The following ARIH1 variants were observed in gnomAD, a reference collection of about 807,000 sequenced individuals.
The protein encoded by ARIH1 is ariadne RBR E3 ubiquitin protein ligase 1.
In ARIH1, 8 loss-of-function variants were observed where a neutral mutation model predicts 85.0. The observed-to-expected ratio is 0.09, with a 90% CI of 0.06 to 0.17. ARIH1 has a LOEUF of 0.17. Among genes scored for constraint, ARIH1 ranks in the 10% least tolerant of loss-of-function variants. The pLI is 1.00. For synonymous variants in ARIH1, 238 were observed against 253.6 expected (o/e 0.94, Z 0.59); for missense variants, 311 against 718.1 (o/e 0.43, Z 6.48).
In ARIH1 at chr15:72,586,682, T is replaced by C. The variant is rs1265804994; in HGVS notation, c.*3390T>C. ...AAAATGTCAAAAATTGGTTGTTTCT[T>C]TGCAGGGAACTGTGAATGAGCCCAT... On this transcript the variant is annotated 3_prime_UTR_variant, in exon 14 of 14. Coordinates refer to ENST00000379887, the MANE Select transcript of ARIH1 (RefSeq NM_005744.5). 6.6e-6 allele frequency: 1 copy of C among 152,544 alleles called. No individual in the cohort carries two copies. The allele number at this position is 152,544 out of a possible 1,614,324, so 9.4% of individuals were successfully genotyped here.
chr15:72,479,080 C>G (rs1330183256), intron 1 of ARIH1, among the ~76,000 whole-genome samples: 1 of 152,100 alleles, frequency 6.6e-6, no homozygotes, highest in African/African-American at 2.4e-5. Context: ...GCCTCAAGCG[C>G]TCCTTGAACC....
At chr15:72,581,069 G>A in intron 12 of ARIH1, 78 bp downstream of exon 12, 1 of 1,443,814 alleles carries the variant, frequency 6.9e-7, no homozygotes, top group Non-Finnish European at 9.4e-7. Flanking sequence ...AAGATACAGA[G>A]TTTTCAGGGT....
At chr15:72,521,292 A>G (rs967528314) in intron 2 of ARIH1, among the ~76,000 whole-genome samples, 2 of 139,870 alleles carry the variant, frequency 1.4e-5, no homozygotes, top group Non-Finnish European at 3.0e-5. Flanking sequence ...ATCCTGTAAT[A>G]TAAATTGTTT....
chr15:72,524,011 A>G (rs1464570654), intron 2 of ARIH1, among the ~76,000 whole-genome samples: 2 of 133,562 alleles, frequency 1.5e-5, no homozygotes, highest in South Asian at 2.3e-4. Context: ...CAGTGGCGCA[A>G]TCTCGGCTCA....
chr15:72,521,281 T>C (rs1432240634), intron 2 of ARIH1, among the ~76,000 whole-genome samples: 1 of 148,782 alleles, frequency 6.7e-6, no homozygotes, highest in East Asian at 2.0e-4. Flanking sequence ...TCTTAGAATA[T>C]ATCCTGTAAT....
At chr15:72,540,688 G>A (rs1304975770) in intron 2 of ARIH1, among the ~76,000 whole-genome samples, 1 of 152,128 alleles carries the variant, frequency 6.6e-6, no homozygotes, top group Non-Finnish European at 1.5e-5. Context: ...GCCACATGTA[G>A]TGGTGTGCAC....
At position 72,600,925 on chromosome 15, in the gene ARIH1, A is replaced by G. The variant is rs2064380178; in HGVS notation, c.*17633A>G. The G allele has an allele frequency of 6.6e-6, 1 of 152,166 alleles. No individual in the cohort carries two copies. Among genetic ancestry groups the G allele is most frequent in the Non-Finnish European group, 1.5e-5 (1 of 68,030 alleles). 9.4% of individuals were successfully genotyped at this position (152,166 alleles called of 1,614,324 possible). A position where few individuals can be genotyped will look rare whatever the true frequency, so the allele number is the denominator to read the frequency against. On this transcript the variant is annotated 3_prime_UTR_variant, in exon 14 of 14. Coordinates refer to ENST00000379887, the MANE Select transcript of ARIH1 (RefSeq NM_005744.5). ...TCCTCACAGGACCCCTTTCAGGGAGATTTCACATATTGGGAAACAGCCTCA... is the reference window on the plus strand; with the variant it reads ...TCCTCACAGGACCCCTTTCAGGGAGGTTTCACATATTGGGAAACAGCCTCA...
chr15:72,518,441 A>C lies in ARIH1; in HGVS notation c.443+307A>C, dbSNP rs534976229. The stretch of plus-strand genomic sequence containing the variant: ...CTGAAAGCAGGTAGAGAAAAAAAGC[A>C]CCTGATAACATTCTTGGAGTACATG... On this transcript the variant is annotated intron_variant, in intron 2 of 13. Transcript: ENST00000379887. 3.9e-4 allele frequency among the ~76,000 whole-genome samples: 60 copies of C among 152,284 alleles called. 1 individual carries two copies. Among genetic ancestry groups the C allele is most frequent in the South Asian group, 1.2e-3 (6 of 4,830 alleles).
chr15:72,515,734 AG>A (rs1313041577), intron 1 of ARIH1, among the ~76,000 whole-genome samples: 5 of 152,128 alleles, frequency 3.3e-5, no homozygotes, highest in Non-Finnish European at 7.4e-5. Flanking sequence ...CTAGCACTTG[AG>A]CAGTGATTTA....
rs1435109398 is a variant in ARIH1 at position 72,584,328 on chromosome 15, G to C, written c.*1036G>C. On this transcript the variant is annotated 3_prime_UTR_variant, in exon 14 of 14. Coordinates refer to ENST00000379887, the MANE Select transcript of ARIH1 (RefSeq NM_005744.5). The stretch of plus-strand genomic sequence containing the variant: ...ACCTAATCCCCCTCCATGGCATCAT[G>C]CCTCTACCCAAGCCTTTGTGTGCCC... 1 of 152,214 alleles carries C rather than the reference G, an allele frequency of 6.6e-6. No individual in the cohort carries two copies. 9.4% of individuals were successfully genotyped at this position (152,214 alleles called of 1,614,324 possible).
intron 3 of ARIH1, among the ~76,000 whole-genome samples, chr15:72,548,655 TAGA>T (rs1233612035): frequency 6.6e-6 from 1 of 152,232 alleles, no homozygotes; most frequent in Non-Finnish European, 1.5e-5. Context: ...TAGACTCATA[TAGA>T]AGGATAATTT....
chr15:72,510,431 G>T (rs1467859162), intron 1 of ARIH1, among the ~76,000 whole-genome samples: 1 of 151,924 alleles, frequency 6.6e-6, no homozygotes, highest in East Asian at 1.9e-4. Context: ...TATTAATTTT[G>T]TATTAAATGT....
intron 1 of ARIH1, among the ~76,000 whole-genome samples, chr15:72,492,244 G>A (rs977749823): frequency 1.3e-5 from 2 of 151,932 alleles, no homozygotes; most frequent in Non-Finnish European, 2.9e-5. Flanking sequence ...AAATTTGTTC[G>A]TTATTTATGT....
At chr15:72,491,186 A>C (rs1038064060) in intron 1 of ARIH1, among the ~76,000 whole-genome samples, 1 of 152,166 alleles carries the variant, frequency 6.6e-6, no homozygotes, top group Non-Finnish European at 1.5e-5. Context: ...ATGTGCCCCT[A>C]TCTACCTTAG....
At chr15:72,485,479 CAG>C (rs1449184811) in intron 1 of ARIH1, among the ~76,000 whole-genome samples, 2 of 152,026 alleles carry the variant, frequency 1.3e-5, no homozygotes, top group African/African-American at 2.4e-5. Flanking sequence ...AAATAAATAA[CAG>C]TGAGCTATTT....
At chr15:72,477,236 GCT>G (rs2063798414) in intron 1 of ARIH1, among the ~76,000 whole-genome samples, 1 of 151,836 alleles carries the variant, frequency 6.6e-6, no homozygotes, top group South Asian at 2.1e-4. Context: ...CTCGCTTTTT[GCT>G]CATTTTATTC....
At position 72,535,435 on chromosome 15, in the gene ARIH1, T is replaced by C. The variant is rs1414780108; in HGVS notation, c.444-9385T>C. On this transcript the variant is annotated intron_variant, in intron 2 of 13. Transcript: ENST00000379887. ...AACTAACTAGCATAATTCCTACATA[T>C]AGTTGCTGAATAGGTGAGGGAACTG... Among the ~76,000 whole-genome samples the C allele has an allele frequency of 4.6e-5, 7 of 152,308 alleles. 1 individual carries two copies. In the South Asian group the frequency reaches 1.4e-3, roughly 32 times the overall value.
At chr15:72,534,839 G>T (rs2064073947) in intron 2 of ARIH1, among the ~76,000 whole-genome samples, 1 of 151,976 alleles carries the variant, frequency 6.6e-6, no homozygotes, top group Non-Finnish European at 1.5e-5. Flanking sequence ...AAGAGCTGTA[G>T]CTTTGTACAG....
rs1366958465 is a variant in ARIH1, at chr15:72,547,527, C to A, written c.588+2563C>A. Reference sequence around the variant, plus strand: ...GGATTACAGGTGTGCACCACCGCACCCAACAGTTTCTTTTTTCTTTCTGAT... The same window carrying A: ...GGATTACAGGTGTGCACCACCGCACACAACAGTTTCTTTTTTCTTTCTGAT... On this transcript the variant is annotated intron_variant, in intron 3 of 13. Coordinates refer to ENST00000379887, the MANE Select transcript of ARIH1 (RefSeq NM_005744.5). Among the ~76,000 whole-genome samples, 4 of 152,198 alleles carry A rather than the reference C, an allele frequency of 2.6e-5. No individual in the cohort carries two copies. In the East Asian group the frequency reaches 7.7e-4, roughly 29 times the overall value.
Sources: gnomAD v4.1 joint callset for allele counts (sites outside exome capture counted in the v4.1 genomes callset) on GRCh38, gnomAD v4.1.1 for gene constraint, MANE v1.5 for transcripts, NCBI Gene and HGNC (gene_info 2026-07-23, HGNC 2026-07-21) for gene names.